TOX2: variants seen among roughly 807,000 people sequenced by gnomAD.
TOX2 encodes the protein granulosa cell HMG box 1.
In TOX2, 15 loss-of-function variants were observed where a neutral mutation model predicts 47.4. That is an observed-to-expected ratio of 0.32 (90% CI 0.21 to 0.49). The LOEUF (loss-of-function observed/expected upper bound fraction) is 0.49. TOX2 is among the 20% of genes least tolerant of loss of function. TOX2 has a pLI of 0.99. For synonymous variants in TOX2, 290 were observed against 296.6 expected (o/e 0.98, Z 0.23); for missense variants, 622 against 673.1 (o/e 0.92, Z 0.84).
chr20:43,944,683 C>T (rs16988529), intron 1 of TOX2, among the ~76,000 whole-genome samples: 3,366 of 152,328 alleles, frequency 0.022, 169 homozygotes, highest in Admixed American at 0.12. Flanking sequence ...GATGATTCCC[C>T]AGAGCGCTTC....
At chr20:43,967,684 TC>T (rs1433084334) in intron 1 of TOX2, among the ~76,000 whole-genome samples, 3 of 152,190 alleles carry the variant, frequency 2.0e-5, no homozygotes, top group Admixed American at 6.5e-5. Flanking sequence ...TATTTGTCCA[TC>T]CACCCATCTC....
chr20:43,956,951 T>C (rs2069678542), intron 1 of TOX2, among the ~76,000 whole-genome samples: 1 of 152,236 alleles, frequency 6.6e-6, no homozygotes. Flanking sequence ...GACTGAGCCA[T>C]TTCTACCTTG....
At chr20:44,020,886 T>A (rs1310345022) in intron 3 of TOX2, among the ~76,000 whole-genome samples, 1 of 152,152 alleles carries the variant, frequency 6.6e-6, no homozygotes, top group Non-Finnish European at 1.5e-5. Flanking sequence ...TGCAGACTTT[T>A]TCCCCCCAGA....
Position 44,066,063 on chromosome 20 carries a change from C to G in TOX2, c.1312C>G (p.Leu438Val), listed in dbSNP as rs999691162. 3 of 1,576,898 alleles carry G rather than the reference C, an allele frequency of 1.9e-6. No homozygotes were observed. The highest frequency in any genetic ancestry group is 2.6e-6 in the Non-Finnish European group (3 of 1,161,824). The change falls in exon 7 of 9, where the codon CTC becomes GTC. Residue 438 changes from leucine (L) to valine (V), a missense_variant. Coordinates refer to ENST00000341197, the MANE Select transcript of TOX2 (RefSeq NM_001098797.2). ...QPPVLPTPMA[L>V]QVQLAMSPSP... ...CCCTGTCCTGCCCACCCCCATGGCACTCCAGGTGCAGCTGGCGATGAGCCC... is the reference window on the plus strand; with the variant it reads ...CCCTGTCCTGCCCACCCCCATGGCAGTCCAGGTGCAGCTGGCGATGAGCCC...
At chr20:43,992,467 A>T (rs1205297767) in intron 2 of TOX2, among the ~76,000 whole-genome samples, 1 of 152,212 alleles carries the variant, frequency 6.6e-6, no homozygotes, top group Non-Finnish European at 1.5e-5. Context: ...AAGTCTCAGC[A>T]TCTCGCAATG....
chr20:43,930,593 C>T (rs947879184), intron 1 of TOX2, among the ~76,000 whole-genome samples: 4 of 152,088 alleles, frequency 2.6e-5, no homozygotes, highest in Admixed American at 6.6e-5. Flanking sequence ...AGGAGGGAGG[C>T]GTCACTCCCA....
intron 8 of TOX2, among the ~76,000 whole-genome samples, chr20:44,067,203 G>T (rs2071840434): frequency 1.3e-5 from 2 of 152,174 alleles, no homozygotes; most frequent in African/African-American, 4.8e-5. Context: ...AGCAGGGATT[G>T]GGTGCCTTTG....
At chr20:43,968,042 T>C (rs955032049) in intron 1 of TOX2, among the ~76,000 whole-genome samples, 2 of 152,210 alleles carry the variant, frequency 1.3e-5, no homozygotes, top group African/African-American at 2.4e-5. Context: ...ATATTTCTGT[T>C]GGACAGTGCT....
chr20:44,003,609 G>A (rs1449994829), intron 2 of TOX2, among the ~76,000 whole-genome samples: 2 of 152,202 alleles, frequency 1.3e-5, no homozygotes, highest in South Asian at 2.1e-4. Context: ...TACTTATAAC[G>A]ATGAGTGCTT....
chr20:43,925,032 T>G (rs1390090973), intron 1 of TOX2, among the ~76,000 whole-genome samples: 2 of 152,258 alleles, frequency 1.3e-5, no homozygotes, highest in Non-Finnish European at 2.9e-5. Flanking sequence ...GTTTCTTGAT[T>G]GATCTCATAT....
In TOX2 at chr20:44,051,422, C is replaced by T; in HGVS notation, c.528C>T (p.Leu176=). 6.2e-7 allele frequency: 1 copy of T among 1,614,148 alleles called. No homozygotes were observed. Among genetic ancestry groups the T allele is most frequent in the Middle Eastern group, 1.6e-4 (1 of 6,062 alleles). The change falls in exon 4 of 9, where the codon CTC becomes CTT. Residue 176 remains leucine, a synonymous_variant. Transcript: ENST00000341197. ...SHMSALSQSQ[L]ISQMGIRSSI... Reference sequence around the variant, plus strand: ...TGAGTGCCCTCAGCCAGTCCCAGCTCATCTCGCAGATGGGCATCCGGAGCA... The same window carrying T: ...TGAGTGCCCTCAGCCAGTCCCAGCTTATCTCGCAGATGGGCATCCGGAGCA...
At chr20:43,945,916 C>A in intron 1 of TOX2, 1 of 1,612,810 alleles carries the variant, frequency 6.2e-7, no homozygotes, top group Non-Finnish European at 8.5e-7. Flanking sequence ...GCTGATTATG[C>A]AGCAGACTCG....
intron 2 of TOX2, among the ~76,000 whole-genome samples, chr20:44,004,755 G>A (rs565655228): frequency 2.6e-4 from 40 of 152,342 alleles, no homozygotes; most frequent in Non-Finnish European, 5.0e-4. Context: ...CAGGTCCTGT[G>A]CCAGGCTCAG....
intron 1 of TOX2, among the ~76,000 whole-genome samples, chr20:43,958,096 C>T (rs1329418396): frequency 2.0e-5 from 3 of 152,190 alleles, no homozygotes; most frequent in Non-Finnish European, 2.9e-5. Flanking sequence ...TGTGTCTTTA[C>T]GTGGTCTTCC....
rs1379164601 is a variant in TOX2, at chr20:43,916,539, A to G, written c.99+1549A>G. Among the ~76,000 whole-genome samples, 1 of 152,148 alleles carries G rather than the reference A, an allele frequency of 6.6e-6. No homozygotes were observed. Among genetic ancestry groups the G allele is most frequent in the Non-Finnish European group, 1.5e-5 (1 of 68,034 alleles). On this transcript the variant is annotated intron_variant, in intron 1 of 8. Transcript: ENST00000341197. The surrounding 1 kb of genome is among the most constrained non-coding windows in gnomAD (Gnocchi z 5.0). ...CAGTGACCTGCAAAGTTAGAAGCCG[A>G]TGAGGGGGGATGGTAGCCTCAGGAG...
intron 3 of TOX2, among the ~76,000 whole-genome samples, chr20:44,044,977 C>T (rs537722634): frequency 1.8e-4 from 28 of 152,154 alleles, no homozygotes; most frequent in Non-Finnish European, 3.4e-4. Flanking sequence ...GTGGATGAAC[C>T]TTGAGTACCT....
intron 1 of TOX2, among the ~76,000 whole-genome samples, chr20:43,948,923 G>A (rs538320454): frequency 6.6e-6 from 1 of 152,198 alleles, no homozygotes; most frequent in Non-Finnish European, 1.5e-5. Context: ...TAGTTGTGAG[G>A]CTTGAGGCAG....
At position 44,056,798 on chromosome 20, in the gene TOX2, T is replaced by C. The variant is rs553473025; in HGVS notation, c.879+2272T>C. 9.8e-5 allele frequency among the ~76,000 whole-genome samples: 15 copies of C among 152,368 alleles called. No homozygotes were observed. In the South Asian group the frequency reaches 2.5e-3, roughly 25 times the overall value. On this transcript the variant is annotated intron_variant, in intron 5 of 8. Transcript: ENST00000341197. ...TAACTGCCAAGCTTACTATTTATTT[T>C]ATCATTTCTGATCATTTTTAATTCC...
chr20:43,934,091 G>A (rs1297780977), intron 1 of TOX2, among the ~76,000 whole-genome samples: 1 of 150,652 alleles, frequency 6.6e-6, no homozygotes, highest in African/African-American at 2.4e-5. Context: ...ATGGGGGGAG[G>A]GTCTGCACAG....
Sources: gnomAD v4.1 joint callset for allele counts (sites outside exome capture counted in the v4.1 genomes callset) on GRCh38, gnomAD v4.1.1 for gene constraint, Gnocchi (gnomAD v3.1) non-coding constraint, MANE v1.5 for transcripts, NCBI Gene and HGNC (gene_info 2026-07-23, HGNC 2026-07-21) for gene names.